The following ABHD2 variants were observed in gnomAD, a reference collection of about 807,000 sequenced individuals.
The protein encoded by ABHD2 is abhydrolase domain containing 2, acylglycerol lipase, also known as monoacylglycerol lipase ABHD2.
In ABHD2, 20 loss-of-function variants were observed where a neutral mutation model predicts 48.1. That is an observed-to-expected ratio of 0.42 (90% CI 0.29 to 0.60). ABHD2 has a LOEUF of 0.60. ABHD2 is among the 20% of genes least tolerant of loss of function. The probability of loss-of-function intolerance (pLI) is 0.24; values close to 1 mark genes in which losing one functional copy is unlikely to be tolerated. For missense variants in ABHD2, 405 were observed against 550.9 expected (o/e 0.74, Z 2.65); for synonymous variants, 209 against 214.2 (o/e 0.98, Z 0.21).
chr15:89,101,523 C>T (rs2049700763), intron 1 of ABHD2, among the ~76,000 whole-genome samples: 1 of 152,138 alleles, frequency 6.6e-6, no homozygotes, highest in African/African-American at 2.4e-5. Context: ...ATGCCACAGA[C>T]TTAGTCAATT....
the ABHD2 span, among the ~76,000 whole-genome samples, chr15:89,063,259 C>A: frequency 6.6e-6 from 1 of 151,346 alleles, no homozygotes; most frequent in East Asian, 1.9e-4. Flanking sequence ...TGAGCCACTA[C>A]GCCCGGCCAA....
the ABHD2 span, among the ~76,000 whole-genome samples, chr15:89,053,699 G>A: frequency 2.0e-5 from 3 of 152,228 alleles, no homozygotes; most frequent in African/African-American, 7.2e-5. Context: ...GGAGCGACAA[G>A]AGAAGCAGAG....
At chr15:89,160,455 C>T (rs2050744729) in intron 5 of ABHD2, among the ~76,000 whole-genome samples, 1 of 150,988 alleles carries the variant, frequency 6.6e-6, no homozygotes. Context: ...AACCCTGACT[C>T]ATGGCTATTT....
At chr15:89,098,539 A>G (rs1489581449) in intron 1 of ABHD2, among the ~76,000 whole-genome samples, 2 of 152,148 alleles carry the variant, frequency 1.3e-5, no homozygotes, top group African/African-American at 2.4e-5. Flanking sequence ...TGTGGCCTGA[A>G]CTGTATTCAC....
chr15:89,137,193 G>C lies in ABHD2; in HGVS notation c.195-14484G>C, dbSNP rs2050329173. ...TAAACTGCCTCCCTACTTAAAGCAT[G>C]GTGTCAAAACCAGGTTGAAATGCAA... is the stretch of plus-strand genomic sequence containing the variant. On this transcript the variant is annotated intron_variant, in intron 3 of 10. Transcript: ENST00000352732. The surrounding 1 kb of genome is among the most constrained non-coding windows in gnomAD (Gnocchi z 4.8). Among the ~76,000 whole-genome samples the C allele has an allele frequency of 6.6e-6, 1 of 152,084 alleles. No homozygotes were observed. The highest frequency in any genetic ancestry group is 6.6e-5 in the Admixed American group (1 of 15,256).
At chr15:89,144,289 A>T (rs1188821392) in intron 3 of ABHD2, among the ~76,000 whole-genome samples, 1 of 152,144 alleles carries the variant, frequency 6.6e-6, no homozygotes, top group Non-Finnish European at 1.5e-5. Flanking sequence ...GTGTGCCACC[A>T]TGCCTGGCTA....
At chr15:89,124,599 C>A (rs2050103473) in intron 3 of ABHD2, among the ~76,000 whole-genome samples, 1 of 152,212 alleles carries the variant, frequency 6.6e-6, no homozygotes, top group South Asian at 2.1e-4. Flanking sequence ...TTGTCCTTTT[C>A]ACAGGATAAA....
rs2050493348 is a variant in ABHD2, at chr15:89,146,411, T to G, written c.195-5266T>G. On this transcript the variant is annotated intron_variant, in intron 3 of 10. Coordinates refer to ENST00000352732, the MANE Select transcript of ABHD2 (RefSeq NM_152924.5). The surrounding 1 kb of genome is among the most constrained non-coding windows in gnomAD (Gnocchi z 4.2). ...GTGTGTGTGTGTGTACGTATGTATATGGGGGGTGGGAGGGAGATCCAGACC... is the reference window on the plus strand; with the variant it reads ...GTGTGTGTGTGTGTACGTATGTATAGGGGGGGTGGGAGGGAGATCCAGACC... 1.4e-5 allele frequency among the ~76,000 whole-genome samples: 2 copies of G among 141,696 alleles called. No homozygotes were observed. The highest frequency in any genetic ancestry group is 2.1e-4 in the East Asian group (1 of 4,766). 93.0% of individuals were successfully genotyped at this position (141,696 alleles called of 152,430 possible).
At chr15:89,071,433 A>G in the ABHD2 span, among the ~76,000 whole-genome samples, 1 of 152,200 alleles carries the variant, frequency 6.6e-6, no homozygotes, top group Non-Finnish European at 1.5e-5. Flanking sequence ...AAAGAAAAAA[A>G]AAGACATAGG....
At chr15:89,109,648 A>T (rs2049842575) in intron 1 of ABHD2, among the ~76,000 whole-genome samples, 1 of 152,160 alleles carries the variant, frequency 6.6e-6, no homozygotes, top group African/African-American at 2.4e-5. Flanking sequence ...CTGTATCTAG[A>T]ACAAGTTCAG....
chr15:89,116,413 T>G lies in ABHD2; in HGVS notation c.86T>G (p.Ile29Ser). Residue 29 changes from isoleucine to serine, a missense_variant, in exon 3 of 11, where the codon ATC (isoleucine) becomes AGC (serine). Physicochemically the swap from Ile to Ser is moderately radical, Grantham distance 142. Coordinates refer to ENST00000352732, the MANE Select transcript of ABHD2 (RefSeq NM_152924.5). This position sits in a 1 kb window ranked among gnomAD's most constrained non-coding sequence, Gnocchi z 4.6. ...LAAVAAVLYV[I>S]VRCLNLKSPT... is the part of the protein sequence containing the mutation. ...GCAGTGGCTGCTGTGCTGTACGTGA[T>G]CGTCCGGTGTTTGAACCTGAAGAGC... 6.2e-7 allele frequency: 1 copy of G among 1,614,248 alleles called. No homozygotes were observed. Among genetic ancestry groups the G allele is most frequent in the Non-Finnish European group, 8.5e-7 (1 of 1,180,042 alleles).
rs1030116918 is a variant in ABHD2, at chr15:89,195,103, G to T, written c.1082-124G>T. Reference sequence around the variant, plus strand: ...GGTGAACAAGGCAGAGTGAGTAGAGGTTGGATGCCCACTTAGGTGACCCTG... The same window carrying T: ...GGTGAACAAGGCAGAGTGAGTAGAGTTTGGATGCCCACTTAGGTGACCCTG... On this transcript the variant is annotated intron_variant, in intron 10 of 10. Coordinates refer to ENST00000352732, the MANE Select transcript of ABHD2 (RefSeq NM_152924.5). The surrounding 1 kb of genome is among the most constrained non-coding windows in gnomAD (Gnocchi z 5.1). The T allele has an allele frequency of 9.5e-6, 10 of 1,052,810 alleles. No individual in the cohort carries two copies. Among genetic ancestry groups the T allele is most frequent in the Non-Finnish European group, 1.4e-5 (10 of 725,596 alleles). The allele number at this position is 1,052,810 out of a possible 1,614,324, so 65.2% of individuals were successfully genotyped here. A position where few individuals can be genotyped will look rare whatever the true frequency, so the allele number is the denominator to read the frequency against.
chr15:89,042,595 T>C, the ABHD2 span, among the ~76,000 whole-genome samples: 10 of 72,460 alleles, frequency 1.4e-4, no homozygotes, highest in African/African-American at 6.3e-4. Context: ...TTCTTATTTA[T>C]TTATTTATTT....
the ABHD2 span, among the ~76,000 whole-genome samples, chr15:89,048,225 C>G: frequency 6.6e-6 from 1 of 151,750 alleles, no homozygotes; most frequent in East Asian, 1.9e-4. Context: ...TGAATATTGG[C>G]CCCCACTCTC....
At chr15:89,136,353 C>T (rs1352366338) in intron 3 of ABHD2, 1 of 523,462 alleles carries the variant, frequency 1.9e-6, no homozygotes, top group Non-Finnish European at 3.8e-6. Context: ...GGTCTTCCAC[C>T]TCTCTGAGCA....
chr15:89,066,624 C>T, the ABHD2 span, among the ~76,000 whole-genome samples: 1 of 152,182 alleles, frequency 6.6e-6, no homozygotes, highest in Admixed American at 6.5e-5. Context: ...TATCATATTT[C>T]CTTCCCAAGG....
rs1453693554 is a variant in ABHD2, at chr15:89,114,706, ACTC to A, written c.-7+885_-7+887del. Among the ~76,000 whole-genome samples, 3 of 151,656 alleles carry A rather than the reference ACTC, an allele frequency of 2.0e-5. No individual in the cohort carries two copies. Among genetic ancestry groups the A allele is most frequent in the African/African-American group, 7.3e-5 (3 of 41,238 alleles). ...CCATGTTGGCCAGGGCTGGTCTCGA[ACTC>A]CTGAGCTCAAGTGATCCACCCACTT... On this transcript the variant is annotated intron_variant, in intron 2 of 10. Transcript: ENST00000352732. The surrounding 1 kb of genome is among the most constrained non-coding windows in gnomAD (Gnocchi z 4.2).
chr15:89,120,643 C>T lies in ABHD2; in HGVS notation c.194+4122C>T, dbSNP rs1449962895. 1 of 152,164 alleles carries T rather than the reference C, an allele frequency of 6.6e-6. No homozygotes were observed. Among genetic ancestry groups the T allele is most frequent in the African/African-American group, 2.4e-5 (1 of 41,420 alleles). 9.4% of individuals were successfully genotyped at this position (152,164 alleles called of 1,614,324 possible). A position where few individuals can be genotyped will look rare whatever the true frequency, so the allele number is the denominator to read the frequency against. On this transcript the variant is annotated intron_variant, in intron 3 of 10. Coordinates refer to ENST00000352732, the MANE Select transcript of ABHD2 (RefSeq NM_152924.5). This position sits in a 1 kb window ranked among gnomAD's most constrained non-coding sequence, Gnocchi z 4.2. ...CTGGGATTACAGGCGCATGCCACCA[C>T]ACCCAGCTAATTTTTGTATTTTTAA...
At chr15:89,169,136 G>A (rs951594825) in intron 5 of ABHD2, among the ~76,000 whole-genome samples, 1 of 152,064 alleles carries the variant, frequency 6.6e-6, no homozygotes, top group Admixed American at 6.6e-5. Flanking sequence ...AATGGTTGGG[G>A]GGAGTAAGAT....
Sources: allele counts gnomAD v4.1 joint callset (sites outside exome capture counted in the v4.1 genomes callset), GRCh38; gene constraint gnomAD v4.1.1; non-coding constraint Gnocchi (gnomAD v3.1); transcripts MANE v1.5; gene names NCBI Gene and HGNC (gene_info 2026-07-23, HGNC 2026-07-21).